FBXO36: variants seen among roughly 807,000 people sequenced by gnomAD.
FBXO36 encodes F-box protein 36.
In FBXO36, 18 loss-of-function variants were observed where a neutral mutation model predicts 17.0. That is an observed-to-expected ratio of 1.06 (90% CI 0.73 to 1.57). The LOEUF is 1.57. Ranked by LOEUF, FBXO36 falls within the 40% of genes most tolerant of loss-of-function variation. The probability of loss-of-function intolerance (pLI) is 0.00; values close to 1 mark genes in which losing one functional copy is unlikely to be tolerated. For missense variants in FBXO36, 229 were observed against 221.9 expected (o/e 1.03, Z -0.20); for synonymous variants, 83 against 85.3 (o/e 0.97, Z 0.15).
intron 1 of FBXO36, among the ~76,000 whole-genome samples, chr2:229,923,844 GTTGTTTTTTTTTTT>G (rs2076875680): frequency 8.4e-6 from 1 of 119,354 alleles, no homozygotes; most frequent in African/African-American, 3.2e-5. Flanking sequence ...TTTTTTTGGT[GTTGTTTTTTTTTTT>G]TTTTTTTTTT....
chr2:229,952,717 C>A (rs1416241587), intron 1 of FBXO36, among the ~76,000 whole-genome samples: 1 of 152,140 alleles, frequency 6.6e-6, no homozygotes, highest in Non-Finnish European at 1.5e-5. Context: ...ACTCAGGGAA[C>A]CATTAGGCAC....
intron 2 of FBXO36, among the ~76,000 whole-genome samples, chr2:229,995,876 G>A (rs888026318): frequency 9.9e-5 from 15 of 151,390 alleles, no homozygotes; most frequent in Admixed American, 2.0e-4. Context: ...ATAGGGGTGA[G>A]CCTCCGTGCC....
At chr2:229,991,458 G>A (rs1395029363) in intron 2 of FBXO36, among the ~76,000 whole-genome samples, 1 of 152,106 alleles carries the variant, frequency 6.6e-6, no homozygotes, top group Admixed American at 6.6e-5. Context: ...CTTGTTAGAA[G>A]TCGGACCAGA....
At chr2:229,936,107 CG>C (rs2076962440) in intron 1 of FBXO36, among the ~76,000 whole-genome samples, 1 of 152,112 alleles carries the variant, frequency 6.6e-6, no homozygotes, top group Non-Finnish European at 1.5e-5. Flanking sequence ...ATGCTTGAAC[CG>C]GGAGGCAGAG....
chr2:229,954,007 A>T (rs1198342162), intron 1 of FBXO36, among the ~76,000 whole-genome samples: 1 of 151,996 alleles, frequency 6.6e-6, no homozygotes, highest in Non-Finnish European at 1.5e-5. Flanking sequence ...CTGGGACTAT[A>T]GGCATGTGCC....
chr2:229,974,294 G>A (rs545782619), intron 1 of FBXO36, among the ~76,000 whole-genome samples: 13 of 152,204 alleles, frequency 8.5e-5, no homozygotes, highest in African/African-American at 2.6e-4. Flanking sequence ...CTAGCTAGCT[G>A]TGTTTCCTTA....
intron 1 of FBXO36, among the ~76,000 whole-genome samples, chr2:229,949,227 G>C (rs893831653): frequency 2.2e-4 from 34 of 152,262 alleles, no homozygotes; most frequent in Admixed American, 7.9e-4. Context: ...TGTCTGATGT[G>C]CTTCCCAAAG....
rs1025479268 is a variant in FBXO36 at position 229,996,982 on chromosome 2, T to C, written c.378+59T>C. The C allele has an allele frequency of 2.0e-6, 3 of 1,523,454 alleles. No homozygotes were observed. In the African/African-American group the frequency reaches 4.2e-5, roughly 21 times the overall value. The allele number at this position is 1,523,454 out of a possible 1,614,324, so 94.4% of individuals were successfully genotyped here. A position where few individuals can be genotyped will look rare whatever the true frequency, so the allele number is the denominator to read the frequency against. ...TTTCCATGTGCTTTCTAAAAAAAAT[T>C]TTTAACATAGCAATCATTTGTTGAG... On this transcript the variant is annotated intron_variant, in intron 3 of 3. Coordinates refer to ENST00000283946, the MANE Select transcript of FBXO36 (RefSeq NM_174899.5).
Position 229,979,838 on chromosome 2 carries a change from C to T in FBXO36, c.205+3489C>T, listed in dbSNP as rs550609184. Among the ~76,000 whole-genome samples, 16 of 149,970 alleles carry T rather than the reference C, an allele frequency of 1.1e-4. No individual in the cohort carries two copies. In the South Asian group the frequency reaches 3.2e-3, roughly 30 times the overall value. ...ATTGTTGGCTTAAGAACAACCATGT[C>T]AAATAATGAAAAAGAGAAGAAAATG... On this transcript the variant is annotated intron_variant, in intron 2 of 3. Coordinates refer to ENST00000283946, the MANE Select transcript of FBXO36 (RefSeq NM_174899.5).
intron 1 of FBXO36, among the ~76,000 whole-genome samples, chr2:229,926,144 AAGGG>A (rs2076910979): frequency 6.7e-6 from 1 of 149,178 alleles, no homozygotes; most frequent in African/African-American, 2.5e-5. Flanking sequence ...AAAAAAAAAA[AAGGG>A]GGGGCTGAGC....
At chr2:229,942,244 C>A (rs183318907) in intron 1 of FBXO36, among the ~76,000 whole-genome samples, 1 of 152,168 alleles carries the variant, frequency 6.6e-6, no homozygotes, top group African/African-American at 2.4e-5. Flanking sequence ...CCTTCCCCCA[C>A]GCACCACAAC....
At chr2:229,939,051 GT>G (rs1475660449) in intron 1 of FBXO36, 3 of 123,176 alleles carry the variant, frequency 2.4e-5, no homozygotes, top group Non-Finnish European at 4.6e-5. Context: ...TTTTTGGTTT[GT>G]TTTTTGTTTT....
intron 2 of FBXO36, among the ~76,000 whole-genome samples, chr2:229,994,004 C>T (rs923957259): frequency 2.6e-5 from 4 of 152,010 alleles, no homozygotes; most frequent in African/African-American, 4.8e-5. Flanking sequence ...GATCTCCTGA[C>T]CTCGTGATCC....
intron 1 of FBXO36, among the ~76,000 whole-genome samples, chr2:229,931,895 G>T (rs1341934040): frequency 2.0e-5 from 3 of 150,316 alleles, no homozygotes; most frequent in Non-Finnish European, 4.4e-5. Flanking sequence ...TTTTCTTTTG[G>T]TTTTTTGCTT....
chr2:229,980,082 C>T lies in FBXO36; in HGVS notation c.205+3733C>T, dbSNP rs138004072. Among the ~76,000 whole-genome samples the T allele has an allele frequency of 2.3e-3, 346 of 152,082 alleles. 1 individual carries two copies. Among genetic ancestry groups the T allele is most frequent in the African/African-American group, 7.8e-3 (325 of 41,472 alleles). ...TGTTTTTTTGAGACAGAGTCTTGCT[C>T]TGTCGCCTAGGGTGGACGGCAGTGG... is the stretch of plus-strand genomic sequence containing the variant. On this transcript the variant is annotated intron_variant, in intron 2 of 3. Coordinates refer to ENST00000283946, the MANE Select transcript of FBXO36 (RefSeq NM_174899.5).
intron 1 of FBXO36, among the ~76,000 whole-genome samples, chr2:229,927,751 GAAAAAAA>G (rs796788553): frequency 1.7e-5 from 2 of 115,430 alleles, no homozygotes; most frequent in South Asian, 2.8e-4. Flanking sequence ...AGTGTCATTT[GAAAAAAA>G]AAAAAAAATG....
intron 1 of FBXO36, among the ~76,000 whole-genome samples, chr2:229,944,592 C>CT (rs58905595): frequency 1.4e-4 from 12 of 88,382 alleles, no homozygotes; most frequent in South Asian, 4.0e-4. Context: ...TTTTCTTTTT[C>CT]TTTTTTTTTT....
At chr2:229,937,500 A>T (rs957499228) in intron 1 of FBXO36, among the ~76,000 whole-genome samples, 2 of 152,140 alleles carry the variant, frequency 1.3e-5, no homozygotes, top group South Asian at 2.1e-4. Flanking sequence ...CGTTTCAAAA[A>T]AATAATAATA....
rs1449910674 is a variant in FBXO36 at position 230,011,649 on chromosome 2, A to T, written c.*765A>T. The T allele has an allele frequency of 7.9e-6, 1 of 126,722 alleles. No homozygotes were observed. The highest frequency in any genetic ancestry group is 1.6e-5 in the Non-Finnish European group (1 of 64,336). 7.8% of individuals were successfully genotyped at this position (126,722 alleles called of 1,614,324 possible). A position where few individuals can be genotyped will look rare whatever the true frequency, so the allele number is the denominator to read the frequency against. On this transcript the variant is annotated 3_prime_UTR_variant, in exon 4 of 4. Transcript: ENST00000283946. The stretch of plus-strand genomic sequence containing the variant: ...TTTTTAGTAGAGGTGGAGTTTCGCC[A>T]TGTAGGCCAGGCTGGTCTTGAACTC...
Sources: gnomAD v4.1 joint callset for allele counts (sites outside exome capture counted in the v4.1 genomes callset) on GRCh38, gnomAD v4.1.1 for gene constraint, MANE v1.5 for transcripts, NCBI Gene and HGNC (gene_info 2026-07-23, HGNC 2026-07-21) for gene names.